Variants in QTGAL observed in about 807,000 individuals in gnomAD.
The protein encoded by QTGAL is queuosine-tRNA galactosyltransferase.
the QTGAL span, among the ~76,000 whole-genome samples, chr17:82,985,485 T>C: frequency 1.3e-5 from 2 of 152,120 alleles, no homozygotes; most frequent in African/African-American, 4.8e-5. Flanking sequence ...ATTTATTTGT[T>C]ATGACTGGGT....
At chr17:83,038,059 A>G in the QTGAL span, among the ~76,000 whole-genome samples, 1 of 152,170 alleles carries the variant, frequency 6.6e-6, no homozygotes, top group South Asian at 2.1e-4. Flanking sequence ...CGTTATTAGG[A>G]AAGTGGGGCT....
the QTGAL span, chr17:82,947,083 A>G: frequency 1.0e-6 from 1 of 984,444 alleles, no homozygotes; most frequent in Non-Finnish European, 1.5e-6. Context: ...GCCTGTGTCC[A>G]CCTGTCAAGT....
the QTGAL span, among the ~76,000 whole-genome samples, chr17:83,019,809 C>T: frequency 6.6e-6 from 1 of 152,314 alleles, no homozygotes; most frequent in East Asian, 1.9e-4. Flanking sequence ...TCTTGGCTCA[C>T]TGCAACCTCC....
chr17:82,965,169 G>A, the QTGAL span, among the ~76,000 whole-genome samples: 1 of 147,776 alleles, frequency 6.8e-6, no homozygotes, highest in Non-Finnish European at 1.5e-5. Context: ...CGGGGGGGAT[G>A]GGGACACAGA....
At chr17:83,034,830 G>A in the QTGAL span, among the ~76,000 whole-genome samples, 1 of 152,210 alleles carries the variant, frequency 6.6e-6, no homozygotes, top group East Asian at 1.9e-4. Context: ...ACATGGAACT[G>A]TGAGTCTATT....
the QTGAL span, among the ~76,000 whole-genome samples, chr17:82,991,367 A>C: frequency 6.6e-6 from 1 of 152,174 alleles, no homozygotes; most frequent in Non-Finnish European, 1.5e-5. Context: ...TACTGTTCTC[A>C]TGGTAGTGAA....
chr17:82,992,362 G>A, the QTGAL span, among the ~76,000 whole-genome samples: 21 of 152,260 alleles, frequency 1.4e-4, no homozygotes, highest in Non-Finnish European at 2.1e-4. Context: ...CAGACTTTTC[G>A]GTAGAAACTT....
At chr17:82,953,208 G>C in the QTGAL span, among the ~76,000 whole-genome samples, 1 of 152,044 alleles carries the variant, frequency 6.6e-6, no homozygotes, top group Non-Finnish European at 1.5e-5. Context: ...GAAGGAGATA[G>C]AGACACAAAA....
chr17:83,014,368 C>T, the QTGAL span: 1 of 1,437,456 alleles, frequency 7.0e-7, no homozygotes, highest in African/African-American at 1.4e-5. Flanking sequence ...CTGATTCTTT[C>T]CACCCCTAGG....
At chr17:82,986,561 G>A in the QTGAL span, among the ~76,000 whole-genome samples, 3 of 152,296 alleles carry the variant, frequency 2.0e-5, no homozygotes, top group East Asian at 1.9e-4. Flanking sequence ...TTCTTCCCCC[G>A]CTTTTCCGCG....
the QTGAL span, among the ~76,000 whole-genome samples, chr17:83,040,016 T>G: frequency 6.6e-6 from 1 of 152,152 alleles, no homozygotes; most frequent in South Asian, 2.1e-4. Context: ...AAATACGTCA[T>G]AGCTGTAAGA....
the QTGAL span, among the ~76,000 whole-genome samples, chr17:83,047,251 G>T: frequency 6.6e-6 from 1 of 152,142 alleles, no homozygotes; most frequent in Non-Finnish European, 1.5e-5. Flanking sequence ...GCTCTGAGCG[G>T]CCTCTTTTAT....
chr17:82,970,195 C>G, the QTGAL span, among the ~76,000 whole-genome samples: 2 of 152,172 alleles, frequency 1.3e-5, no homozygotes, highest in Non-Finnish European at 2.9e-5. Flanking sequence ...GAAGCCAGGC[C>G]AGCCAAGGCC....
the QTGAL span, chr17:82,965,578 T>C: frequency 7.1e-7 from 1 of 1,401,580 alleles, no homozygotes; most frequent in South Asian, 1.3e-5. Flanking sequence ...GGGTGGCCAG[T>C]GTGCAGAGCC....
At chr17:83,000,587 C>CA in the QTGAL span, among the ~76,000 whole-genome samples, 43,437 of 152,078 alleles carry the variant, frequency 0.29, 7,229 homozygotes, top group East Asian at 0.39. Context: ...TTTGGTATTA[C>CA]ATGATTTAAA....
chr17:82,973,142 A>G, the QTGAL span, among the ~76,000 whole-genome samples: 38 of 152,250 alleles, frequency 2.5e-4, no homozygotes, highest in African/African-American at 8.9e-4. Context: ...CACACAGGAC[A>G]GAAAATGGAA....
chr17:83,021,317 T>C, the QTGAL span, among the ~76,000 whole-genome samples: 1 of 134,650 alleles, frequency 7.4e-6, no homozygotes, highest in African/African-American at 2.8e-5. Context: ...AATCATTTCA[T>C]AGTAAATTGT....
chr17:83,016,055 G>A, the QTGAL span, among the ~76,000 whole-genome samples: 4 of 152,140 alleles, frequency 2.6e-5, no homozygotes, highest in Non-Finnish European at 4.4e-5. Flanking sequence ...TTAAGGTGCC[G>A]GCCATAAGCA....
chr17:83,005,106 G>T, the QTGAL span: 3 of 1,596,096 alleles, frequency 1.9e-6, no homozygotes, highest in South Asian at 3.4e-5. The surrounding 1 kb of genome is among the most constrained non-coding windows in gnomAD (Gnocchi z 5.6). Flanking sequence ...AAGGCGCCAG[G>T]CGAGGTACCT....
Sources: gnomAD v4.1 joint callset for allele counts (sites outside exome capture counted in the v4.1 genomes callset) on GRCh38, gnomAD v4.1.1 for gene constraint, Gnocchi (gnomAD v3.1) non-coding constraint, MANE v1.5 for transcripts, NCBI Gene and HGNC (gene_info 2026-07-23, HGNC 2026-07-21) for gene names.